The following GALNT14 variants were observed in gnomAD, a reference collection of about 807,000 sequenced individuals.
GALNT14 encodes polypeptide N-acetylgalactosaminyltransferase 14, also known as UDP-GalNAc:polypeptide N-acetylgalactosaminyltransferase 14.
In GALNT14, 60 loss-of-function variants were observed where a neutral mutation model predicts 77.5. That is an observed-to-expected ratio of 0.77 (90% CI 0.63 to 0.96). The LOEUF is 0.96. Ranked by LOEUF, GALNT14 falls within the 40% of genes least tolerant of loss-of-function variation. The pLI, the probability that GALNT14 is intolerant of heterozygous loss-of-function variation, is 0.00. For missense variants in GALNT14, 710 were observed against 731.0 expected, an observed-to-expected ratio of 0.97 and a Z score of 0.33; for synonymous variants, 280 against 281.7, an observed-to-expected ratio of 0.99 and a Z score of 0.06.
At chr2:30,935,954 G>A (rs1416194818) in intron 9 of GALNT14, among the ~76,000 whole-genome samples, 1 of 152,142 alleles carries the variant, frequency 6.6e-6, no homozygotes, top group African/African-American at 2.4e-5. Flanking sequence ...TGAGGGAGGA[G>A]GGAACAAAAA....
intron 2 of GALNT14, among the ~76,000 whole-genome samples, chr2:30,979,833 C>T (rs1375559781): frequency 6.6e-6 from 1 of 152,146 alleles, no homozygotes. Flanking sequence ...GTCTCCCTCC[C>T]ACAGCAGCCC....
Position 30,912,237 on chromosome 2 carries a change from C to T in GALNT14, c.1486G>A (p.Gly496Arg), listed in dbSNP as rs1664409542. ...APVVLVLCKNGDDRQQWTKTG... is the reference protein window; with the variant it reads ...APVVLVLCKNRDDRQQWTKTG... ...TGAGCACTTACCTGTCGGTCATCTC[C>T]ATTCTTGCAAAGGACAAGAACCACT... Residue 496 changes from glycine (G) to arginine (R), a missense_variant, in exon 14 of 15, where the codon GGA (glycine) becomes AGA (arginine). Physicochemically the swap from Gly to Arg is moderately radical, Grantham distance 125. Coordinates refer to ENST00000349752, the MANE Select transcript of GALNT14 (RefSeq NM_024572.4). 1.2e-6 allele frequency: 2 copies of T among 1,614,032 alleles called. No individual in the cohort carries two copies. Among genetic ancestry groups the T allele is most frequent in the African/African-American group, 1.3e-5 (1 of 74,936 alleles).
intron 1 of GALNT14, among the ~76,000 whole-genome samples, chr2:31,085,408 T>G (rs907044789): frequency 6.6e-6 from 1 of 152,138 alleles, no homozygotes; most frequent in African/African-American, 2.4e-5. Flanking sequence ...CTCCCAAGAA[T>G]GGCTGCAGAA....
chr2:31,120,391 C>T (rs1479894012), intron 1 of GALNT14, among the ~76,000 whole-genome samples: 5 of 152,106 alleles, frequency 3.3e-5, no homozygotes, highest in Non-Finnish European at 5.9e-5. Flanking sequence ...TTGCTTATCT[C>T]AAAGGGGGTG....
At position 31,113,813 on chromosome 2, in the gene GALNT14, G is replaced by A. The variant is rs368937404; in HGVS notation, c.129+24145C>T. ...CAAGTAAGACAACTCAGGCACAGAG[G>A]GAGGTGGGGGGAAAGTCTCTTGGGT... is the stretch of plus-strand genomic sequence containing the variant. On this transcript the variant is annotated intron_variant, in intron 1 of 14. Coordinates refer to ENST00000349752, the MANE Select transcript of GALNT14 (RefSeq NM_024572.4). Among the ~76,000 whole-genome samples the A allele has an allele frequency of 6.4e-4, 98 of 152,324 alleles. 1 individual carries two copies. Among genetic ancestry groups the A allele is most frequent in the African/African-American group, 2.3e-3 (95 of 41,578 alleles).
intron 1 of GALNT14, among the ~76,000 whole-genome samples, chr2:31,022,129 C>T (rs781084576): frequency 5.9e-5 from 9 of 152,118 alleles, no homozygotes; most frequent in Non-Finnish European, 8.8e-5. Context: ...GTGTCAGAGA[C>T]TCTGCATGTG....
intron 13 of GALNT14, among the ~76,000 whole-genome samples, chr2:30,915,954 G>A (rs1178528418): frequency 1.3e-5 from 2 of 152,128 alleles, no homozygotes; most frequent in Non-Finnish European, 2.9e-5. Flanking sequence ...ATTCTTAACA[G>A]GACCTGTTTA....
rs776964269 is a variant in GALNT14 at position 31,138,133 on chromosome 2, C to G, written c.-47G>C. On this transcript the variant is annotated 5_prime_UTR_variant, in exon 1 of 15. Coordinates refer to ENST00000349752, the MANE Select transcript of GALNT14 (RefSeq NM_024572.4). ...TCCGCGGCGCTACGTCCCGGGGGCA[C>G]CCCCCGGCGGTCAGGGTTGGCGGGG... 6 of 1,606,130 alleles carry G rather than the reference C, an allele frequency of 3.7e-6. No homozygotes were observed. The African/African-American group carries it at 5.4e-5, about 14-fold the overall frequency.
intron 1 of GALNT14, among the ~76,000 whole-genome samples, chr2:31,036,548 ATACATTT>A (rs1672747603): frequency 1.3e-5 from 2 of 152,328 alleles, no homozygotes; most frequent in South Asian, 4.1e-4. Context: ...ACAGACAAAA[ATACATTT>A]AATTACCTTT....
intron 2 of GALNT14, among the ~76,000 whole-genome samples, chr2:30,971,625 A>G (rs778879192): frequency 5.3e-5 from 8 of 152,054 alleles, no homozygotes; most frequent in Non-Finnish European, 8.8e-5. Context: ...CAGGCTCTGG[A>G]GCATTCAGTG....
intron 1 of GALNT14, among the ~76,000 whole-genome samples, chr2:31,050,423 G>A (rs4952041): frequency 0.75 from 113,342 of 151,866 alleles, 42,572 homozygotes; most frequent in East Asian, 0.99. Context: ...TCAGTGTCAC[G>A]TAGATGGGGG....
At chr2:31,032,226 G>T (rs971163061) in intron 1 of GALNT14, among the ~76,000 whole-genome samples, 2 of 152,220 alleles carry the variant, frequency 1.3e-5, no homozygotes, top group African/African-American at 4.8e-5. Context: ...GTGGTCCTTT[G>T]TGCCCATGAT....
intron 1 of GALNT14, among the ~76,000 whole-genome samples, chr2:31,121,445 C>A (rs1360316476): frequency 6.6e-6 from 1 of 152,106 alleles, no homozygotes; most frequent in Non-Finnish European, 1.5e-5. Flanking sequence ...ACAATAAAAC[C>A]CTTAAACCCA....
At position 31,138,369 on chromosome 2, in the gene GALNT14, T is replaced by G; in HGVS notation, c.-283A>C. On this transcript the variant is annotated 5_prime_UTR_variant, in exon 1 of 15. Coordinates refer to ENST00000349752, the MANE Select transcript of GALNT14 (RefSeq NM_024572.4). ...GGGAGAAGCGCGGTGGCTGCCGAGATGTTCCCCACGCCGCCACCGCGGCTG... is the reference window on the plus strand; with the variant it reads ...GGGAGAAGCGCGGTGGCTGCCGAGAGGTTCCCCACGCCGCCACCGCGGCTG... 1 of 421,216 alleles carries G rather than the reference T, an allele frequency of 2.4e-6. No homozygotes were observed. The highest frequency in any genetic ancestry group is 4.2e-6 in the Non-Finnish European group (1 of 237,920). The allele number at this position is 421,216 out of a possible 1,614,324, so 26.1% of individuals were successfully genotyped here.
chr2:30,961,373 T>C (rs899735561), intron 3 of GALNT14, among the ~76,000 whole-genome samples: 1 of 152,196 alleles, frequency 6.6e-6, no homozygotes, highest in African/African-American at 2.4e-5. Context: ...TTAGTCATTC[T>C]GGAGTGAGAC....
chr2:30,935,404 T>C (rs1294084913), intron 9 of GALNT14, among the ~76,000 whole-genome samples: 1 of 152,180 alleles, frequency 6.6e-6, no homozygotes, highest in Non-Finnish European at 1.5e-5. Flanking sequence ...TCCTACCCTA[T>C]CAACTCACTC....
chr2:30,948,029 G>C (rs1048696173), intron 6 of GALNT14, among the ~76,000 whole-genome samples: 2 of 152,150 alleles, frequency 1.3e-5, no homozygotes, highest in Non-Finnish European at 2.9e-5. Context: ...TGTGTCTGTG[G>C]ATATGTCAAC....
At chr2:30,995,203 T>G in intron 1 of GALNT14, among the ~76,000 whole-genome samples, 1 of 150,918 alleles carries the variant, frequency 6.6e-6, no homozygotes, top group Non-Finnish European at 1.5e-5. Flanking sequence ...TACAGCCACA[T>G]ATGCATAACA....
At chr2:30,891,702 A>G in the GALNT14 span, among the ~76,000 whole-genome samples, 1 of 152,282 alleles carries the variant, frequency 6.6e-6, no homozygotes, top group East Asian at 1.9e-4. Flanking sequence ...CGGATGGGTA[A>G]GGTTTTGAAT....
Sources: gnomAD v4.1 joint callset for allele counts (sites outside exome capture counted in the v4.1 genomes callset) on GRCh38, gnomAD v4.1.1 for gene constraint, MANE v1.5 for transcripts, NCBI Gene and HGNC (gene_info 2026-07-23, HGNC 2026-07-21) for gene names.